TENM2: variants seen among roughly 807,000 people sequenced by gnomAD.
The protein encoded by TENM2 is teneurin-2.
In TENM2, 52 loss-of-function variants were observed where a neutral mutation model predicts 245.2. The ratio of observed to expected loss-of-function variants is 0.21; its 90% CI spans 0.17 to 0.27. The LOEUF is 0.27. Ranked by LOEUF, TENM2 falls within the 10% of genes least tolerant of loss-of-function variation. The pLI, the probability that TENM2 is intolerant of heterozygous loss-of-function variation, is 1.00. For missense variants in TENM2, 3,046 were observed against 3,666.8 expected, an observed-to-expected ratio of 0.83 and a Z score of 4.37; for synonymous variants, 1,363 against 1,438.9, an observed-to-expected ratio of 0.95 and a Z score of 1.19.
At chr5:167,166,049 T>C in the TENM2 span, among the ~76,000 whole-genome samples, 3 of 152,228 alleles carry the variant, frequency 2.0e-5, no homozygotes, top group Non-Finnish European at 4.4e-5. Flanking sequence ...CATAAGGCCA[T>C]ATGAAGGGGG....
chr5:167,502,240 C>A (rs540909350), intron 2 of TENM2, among the ~76,000 whole-genome samples: 3 of 152,306 alleles, frequency 2.0e-5, no homozygotes. Context: ...AGTGCATGGG[C>A]AGCCTGTAGT....
chr5:167,935,378 C>T (rs1778622689), intron 3 of TENM2, among the ~76,000 whole-genome samples: 1 of 152,132 alleles, frequency 6.6e-6, no homozygotes, highest in African/African-American at 2.4e-5. Flanking sequence ...ATCTGATGGA[C>T]AGGACTGATG....
chr5:167,353,916 A>G (rs1333962995), intron 1 of TENM2, among the ~76,000 whole-genome samples: 1 of 152,238 alleles, frequency 6.6e-6, no homozygotes, highest in Non-Finnish European at 1.5e-5. Context: ...AATCTGTTTT[A>G]TAATTTTTAT....
chr5:167,993,211 G>A lies in TENM2; in HGVS notation c.1186+29G>A, dbSNP rs369535962. The A allele has an allele frequency of 1.2e-4, 193 of 1,574,370 alleles. No individual in the cohort carries two copies. In the African/African-American group the frequency reaches 1.4e-3, roughly 12 times the overall value. ...AGTCAGGGCAGCCTTATTCAGCAAC[G>A]CTGGGGATGACAACATGAGGGGAGA... On this transcript the variant is annotated intron_variant, in intron 5 of 28. Coordinates refer to ENST00000518659, the Ensembl canonical transcript of TENM2.
intron 2 of TENM2, among the ~76,000 whole-genome samples, chr5:167,378,282 T>C (rs1319739975): frequency 1.3e-5 from 2 of 152,108 alleles, no homozygotes; most frequent in Non-Finnish European, 2.9e-5. Flanking sequence ...TCAATGTTGA[T>C]TGTGCTTCCT....
chr5:167,915,215 G>A (rs1561929633), intron 3 of TENM2, among the ~76,000 whole-genome samples: 1 of 152,014 alleles, frequency 6.6e-6, no homozygotes, highest in Non-Finnish European at 1.5e-5. Context: ...ACATCTCAAT[G>A]TCCATTACTG....
the TENM2 span, among the ~76,000 whole-genome samples, chr5:167,055,781 A>G: frequency 6.6e-6 from 1 of 152,044 alleles, no homozygotes; most frequent in Admixed American, 6.6e-5. Context: ...ATTGCTTATT[A>G]GTTCTAGGAG....
the TENM2 span, among the ~76,000 whole-genome samples, chr5:167,200,546 A>C: frequency 6.6e-6 from 1 of 152,102 alleles, no homozygotes; most frequent in Non-Finnish European, 1.5e-5. Flanking sequence ...GTGAGGAAGC[A>C]CTACATAGAA....
At chr5:168,158,850 T>TACATACAC (rs1554210816) in intron 12 of TENM2, among the ~76,000 whole-genome samples, 6 of 62,338 alleles carry the variant, frequency 9.6e-5, no homozygotes, top group Admixed American at 4.7e-4. Flanking sequence ...TATATATATA[T>TACATACAC]ACACACACAC....
At chr5:167,100,951 A>G in the TENM2 span, among the ~76,000 whole-genome samples, 1 of 152,224 alleles carries the variant, frequency 6.6e-6, no homozygotes, top group East Asian at 1.9e-4. Flanking sequence ...TTCATCTTTA[A>G]TTAGTTTACA....
At chr5:167,869,601 A>T (rs1340321637) in intron 2 of TENM2, among the ~76,000 whole-genome samples, 1 of 152,224 alleles carries the variant, frequency 6.6e-6, no homozygotes, top group Non-Finnish European at 1.5e-5. Flanking sequence ...ATGCGATGAG[A>T]TGGAGACAGA....
At chr5:168,146,842 C>T (rs1014807544) in intron 12 of TENM2, among the ~76,000 whole-genome samples, 2 of 152,208 alleles carry the variant, frequency 1.3e-5, no homozygotes, top group Non-Finnish European at 2.9e-5. Context: ...AGAAACCAGG[C>T]TTAATCATTG....
the TENM2 span, among the ~76,000 whole-genome samples, chr5:167,041,798 C>T: frequency 1.3e-5 from 2 of 152,112 alleles, no homozygotes; most frequent in Non-Finnish European, 2.9e-5. Context: ...AAGCAAACCT[C>T]CCCCCTCCAA....
rs186629618 is a variant in TENM2 at position 168,119,046 on chromosome 5, A to G, written c.2008+560A>G. Among the ~76,000 whole-genome samples the G allele has an allele frequency of 1.5e-4, 23 of 152,340 alleles. 1 individual carries two copies. In the East Asian group the frequency reaches 2.5e-3, roughly 17 times the overall value. ...TGTATGTCTGTGTAAATATTTCAGC[A>G]AAAATTAATATCAATAGACAGCAGT... is the stretch of plus-strand genomic sequence containing the variant. On this transcript the variant is annotated intron_variant, in intron 10 of 28. Coordinates refer to ENST00000518659, the Ensembl canonical transcript of TENM2.
At chr5:167,799,752 G>T (rs917183335) in intron 2 of TENM2, among the ~76,000 whole-genome samples, 7 of 152,140 alleles carry the variant, frequency 4.6e-5, no homozygotes, top group African/African-American at 1.7e-4. Context: ...ACCATTTCAG[G>T]TCCCTAAAGG....
At chr5:167,402,925 C>G (rs1018943713) in intron 2 of TENM2, among the ~76,000 whole-genome samples, 2 of 151,988 alleles carry the variant, frequency 1.3e-5, no homozygotes, top group Non-Finnish European at 2.9e-5. Context: ...TTTGGTCTGT[C>G]TCTGTAGTCT....
At chr5:168,112,496 C>G (rs1298828598) in intron 9 of TENM2, among the ~76,000 whole-genome samples, 4 of 151,114 alleles carry the variant, frequency 2.6e-5, no homozygotes. Flanking sequence ...CGTTAGTTTG[C>G]TAAGGATAAT....
intron 10 of TENM2, 77 bp downstream of exon 12, chr5:168,118,563 G>T: frequency 8.8e-7 from 1 of 1,138,596 alleles, no homozygotes; most frequent in South Asian, 2.8e-5. Context: ...AATGAGCCCA[G>T]TCCTGGGCTG....
chr5:167,952,915 G>A (rs1371383720), intron 4 of TENM2, 93 bp downstream of exon 6: 2 of 1,022,834 alleles, frequency 2.0e-6, no homozygotes, highest in Admixed American at 2.1e-5. Context: ...AGTTCCAGTC[G>A]GAGAGACCCT....
Sources: allele counts gnomAD v4.1 joint callset (sites outside exome capture counted in the v4.1 genomes callset), GRCh38; gene constraint gnomAD v4.1.1; transcripts MANE v1.5; gene names NCBI Gene and HGNC (gene_info 2026-07-23, HGNC 2026-07-21).